Variants in FBXL17 observed in about 807,000 individuals in gnomAD.
FBXL17 encodes the protein F-box/LRR-repeat protein 17.
A neutral mutation model predicts 66.2 loss-of-function variants in FBXL17; 22 were observed. That is an observed-to-expected ratio of 0.33 (90% CI 0.24 to 0.47). FBXL17 has a LOEUF of 0.47. Ranked by LOEUF, FBXL17 falls within the 20% of genes least tolerant of loss-of-function variation. The probability of loss-of-function intolerance (pLI) is 1.00; values close to 1 mark genes in which losing one functional copy is unlikely to be tolerated. For synonymous variants in FBXL17, 474 were observed against 400.5 expected, an observed-to-expected ratio of 1.18 and a Z score of -2.19; for missense variants, 878 against 948.2, an observed-to-expected ratio of 0.93 and a Z score of 0.97.
intron 4 of FBXL17, among the ~76,000 whole-genome samples, chr5:108,326,088 A>G (rs1229318076): frequency 6.6e-6 from 1 of 152,206 alleles, no homozygotes; most frequent in Non-Finnish European, 1.5e-5. Context: ...TGATACTATC[A>G]GAAGATTTTA....
rs1191647313 is a variant in FBXL17 at position 108,009,284 on chromosome 5, T to TAGATAGATAGATAGATAGATAGATAG, written c.1822+11640_1822+11641insCTATCTATCTATCTATCTATCTATCT. On this transcript the variant is annotated intron_variant, in intron 7 of 8. Transcript: ENST00000542267. ...TTTTATATATATATATATATATATA[T>TAGATAGATAGATAGATAGATAGATAG]ATATATATATATATATACATATATA... 2.8e-4 allele frequency among the ~76,000 whole-genome samples: 7 copies of TAGATAGATAGATAGATAGATAGATAG among 24,576 alleles called. 2 individuals are homozygous for TAGATAGATAGATAGATAGATAGATAG. Among genetic ancestry groups the TAGATAGATAGATAGATAGATAGATAG allele is most frequent in the Non-Finnish European group, 4.5e-4 (5 of 11,134 alleles). The allele number at this position is 24,576 out of a possible 152,430, so 16.1% of individuals were successfully genotyped here.
intron 6 of FBXL17, among the ~76,000 whole-genome samples, chr5:108,025,224 T>C (rs1754756455): frequency 6.6e-6 from 1 of 152,018 alleles, no homozygotes; most frequent in Non-Finnish European, 1.5e-5. Flanking sequence ...CAGACACTGG[T>C]TTGCAAATCT....
At position 107,952,601 on chromosome 5, in the gene FBXL17, A is replaced by G. The variant is rs2112610453; in HGVS notation, c.1822+68324T>C. ...TGTGATTGTCTTATTTTAATATACCATCAAAAAGCTCAGATAACCCAATGA... is the reference window on the plus strand; with the variant it reads ...TGTGATTGTCTTATTTTAATATACCGTCAAAAAGCTCAGATAACCCAATGA... On this transcript the variant is annotated intron_variant, in intron 7 of 8. Transcript: ENST00000542267. 2.0e-5 allele frequency among the ~76,000 whole-genome samples: 3 copies of G among 152,348 alleles called. No homozygotes were observed. The South Asian group carries it at 6.2e-4, about 32-fold the overall frequency.
At chr5:108,121,173 C>T (rs554197173) in intron 6 of FBXL17, among the ~76,000 whole-genome samples, 2 of 151,888 alleles carry the variant, frequency 1.3e-5, no homozygotes, top group African/African-American at 4.8e-5. Flanking sequence ...ATTGAAAATA[C>T]AAAAATTAGC....
chr5:108,302,111 G>C (rs988362682), intron 4 of FBXL17: 12 of 768,184 alleles, frequency 1.6e-5, no homozygotes, highest in Middle Eastern at 6.6e-4. Context: ...ATTGGTCAAG[G>C]CTACTTTTTC....
At chr5:108,009,287 A>AGATAGATAGATAGATAGG (rs1754077392) in intron 7 of FBXL17, among the ~76,000 whole-genome samples, 1 of 83,376 alleles carries the variant, frequency 1.2e-5, no homozygotes, top group Non-Finnish European at 2.2e-5. Context: ...ATATATATAT[A>AGATAGATAGATAGATAGG]TATATATATA....
At chr5:108,299,006 A>G in intron 4 of FBXL17, 2 of 978,210 alleles carry the variant, frequency 2.0e-6, no homozygotes, top group Non-Finnish European at 2.4e-6. Context: ...TTTTTCCTCT[A>G]TTACCTAGCT....
intron 6 of FBXL17, among the ~76,000 whole-genome samples, chr5:108,100,674 T>C (rs1749566711): frequency 6.6e-6 from 1 of 150,764 alleles, no homozygotes; most frequent in South Asian, 2.1e-4. Flanking sequence ...CATATGTTTC[T>C]ATTACCCAAA....
At chr5:107,948,955 AAG>A (rs1403001071) in intron 7 of FBXL17, among the ~76,000 whole-genome samples, 3 of 152,184 alleles carry the variant, frequency 2.0e-5, no homozygotes, top group Non-Finnish European at 4.4e-5. Flanking sequence ...AAAACTAATG[AAG>A]CCTTTCTAAA....
intron 7 of FBXL17, among the ~76,000 whole-genome samples, chr5:107,940,675 G>C (rs1246743122): frequency 6.6e-6 from 1 of 152,162 alleles, no homozygotes; most frequent in Non-Finnish European, 1.5e-5. Flanking sequence ...TAATGGGTCC[G>C]TTCTAGGAAG....
At chr5:108,180,563 AAAAAT>A (rs1687393391) in intron 6 of FBXL17, among the ~76,000 whole-genome samples, 1 of 152,206 alleles carries the variant, frequency 6.6e-6, no homozygotes, top group African/African-American at 2.4e-5. Context: ...CTAGTACATA[AAAAAT>A]AAAATAGCAA....
At chr5:108,302,989 T>G (rs539050369) in intron 4 of FBXL17, among the ~76,000 whole-genome samples, 10 of 151,976 alleles carry the variant, frequency 6.6e-5, no homozygotes, top group Non-Finnish European at 1.5e-4. Context: ...ACTCACATTT[T>G]AAGAAAACTG....
At chr5:107,931,329 G>A (rs1750731582) in intron 7 of FBXL17, among the ~76,000 whole-genome samples, 3 of 146,890 alleles carry the variant, frequency 2.0e-5, no homozygotes, top group Admixed American at 6.9e-5. Context: ...GTGCAATCTC[G>A]GCTCACTGCA....
intron 4 of FBXL17, among the ~76,000 whole-genome samples, chr5:108,267,862 C>A (rs1408915912): frequency 6.6e-5 from 10 of 151,978 alleles, no homozygotes; most frequent in Admixed American, 6.6e-4. Context: ...AGATCTGTCT[C>A]TAAGACATTA....
At position 108,200,692 on chromosome 5, in the gene FBXL17, GA is replaced by G. The variant is rs369586492; in HGVS notation, c.1615-14446del. 8.9e-3 allele frequency among the ~76,000 whole-genome samples: 1,248 copies of G among 140,622 alleles called. 12 individuals carry two copies. The highest frequency in any genetic ancestry group is 0.036 in the Middle Eastern group (10 of 278). The allele number at this position is 140,622 out of a possible 152,430, so 92.3% of individuals were successfully genotyped here. A position where few individuals can be genotyped will look rare whatever the true frequency, so the allele number is the denominator to read the frequency against. ...AAGTTCCAGTGGGAAGCTTTTTCTT[GA>G]AAAAAAAAAAAAAATTGATGGCCAA... On this transcript the variant is annotated intron_variant, in intron 5 of 8. Transcript: ENST00000542267.
intron 7 of FBXL17, among the ~76,000 whole-genome samples, chr5:108,011,203 C>T (rs573027695): frequency 3.2e-4 from 49 of 152,190 alleles, no homozygotes; most frequent in African/African-American, 1.2e-3. Flanking sequence ...CATTAGTAGG[C>T]TAATTAGTAA....
At chr5:108,072,048 C>A (rs934900848) in intron 6 of FBXL17, among the ~76,000 whole-genome samples, 1 of 152,236 alleles carries the variant, frequency 6.6e-6, no homozygotes, top group South Asian at 2.1e-4. Context: ...TTCCTCAGCA[C>A]TCTTGAATTG....
At chr5:108,013,014 C>CA (rs57393639) in intron 7 of FBXL17, among the ~76,000 whole-genome samples, 1,137 of 79,008 alleles carry the variant, frequency 0.014, 28 homozygotes, top group African/African-American at 0.031. Context: ...AACTCCGTCT[C>CA]AAAAAAAAAA....
At chr5:107,986,635 T>G (rs1342108544) in intron 7 of FBXL17, among the ~76,000 whole-genome samples, 1 of 151,726 alleles carries the variant, frequency 6.6e-6, no homozygotes, top group East Asian at 1.9e-4. Flanking sequence ...ATTGTAAGGT[T>G]AAAGTACAAT....
Sources: allele counts gnomAD v4.1 joint callset (sites outside exome capture counted in the v4.1 genomes callset), GRCh38; gene constraint gnomAD v4.1.1; transcripts MANE v1.5; gene names NCBI Gene and HGNC (gene_info 2026-07-23, HGNC 2026-07-21).